Variants in MTARC2 observed in about 807,000 individuals in gnomAD.
MTARC2 encodes MOCO sulphurase C-terminal domain containing 2.
Under a neutral mutation model 35.6 loss-of-function variants are expected in MTARC2, and 27 were observed. The observed-to-expected ratio is 0.76, with a 90% CI of 0.56 to 1.04. The LOEUF (loss-of-function observed/expected upper bound fraction) is 1.04. Among genes scored for constraint, MTARC2 ranks in the 50% least tolerant of loss-of-function variants. MTARC2 has a pLI of 0.00. For missense variants in MTARC2, 412 were observed against 432.5 expected (o/e 0.95, Z 0.42); for synonymous variants, 158 against 167.1 (o/e 0.95, Z 0.42).
chr1:220,763,110 A>G lies in MTARC2; in HGVS notation c.750+60A>G. The G allele has an allele frequency of 1.2e-6, 2 of 1,612,646 alleles. 1 individual carries two copies. The highest frequency in any genetic ancestry group is 2.2e-5 in the South Asian group (2 of 90,930). On this transcript the variant is annotated intron_variant, in intron 4 of 7. Transcript: ENST00000366913. Reference sequence around the variant, plus strand: ...GATGTGCTGCTCGCGGTGCTAAGGGAACTCTGCTCTAGCCAGAGCCAACTC... The same window carrying G: ...GATGTGCTGCTCGCGGTGCTAAGGGGACTCTGCTCTAGCCAGAGCCAACTC...
chr1:220,770,999 CTAAAAA>C (rs1671729049), intron 4 of MTARC2, among the ~76,000 whole-genome samples: 1 of 152,150 alleles, frequency 6.6e-6, no homozygotes, highest in East Asian at 1.9e-4. Context: ...AAGCCAGCTT[CTAAAAA>C]AGCCTTAGGC....
chr1:220,778,725 A>T (rs1332764697), intron 4 of MTARC2, among the ~76,000 whole-genome samples: 1 of 152,198 alleles, frequency 6.6e-6, no homozygotes, highest in African/African-American at 2.4e-5. Context: ...AGAACACTTG[A>T]AAAACAGAGG....
intron 4 of MTARC2, among the ~76,000 whole-genome samples, chr1:220,766,078 C>T (rs540213687): frequency 7.0e-4 from 107 of 152,056 alleles, no homozygotes; most frequent in Non-Finnish European, 1.0e-3. Flanking sequence ...GCTGGGAGGG[C>T]AATGGAGAGT....
chr1:220,758,575 A>C (rs1204469810), intron 2 of MTARC2, among the ~76,000 whole-genome samples: 1 of 151,930 alleles, frequency 6.6e-6, no homozygotes, highest in Non-Finnish European at 1.5e-5. Context: ...ATGCACCACC[A>C]CACCCGGCTA....
At chr1:220,752,251 G>A (rs1275008589) in intron 1 of MTARC2, among the ~76,000 whole-genome samples, 3 of 152,214 alleles carry the variant, frequency 2.0e-5, no homozygotes, top group African/African-American at 7.2e-5. Flanking sequence ...CAGAAATAAT[G>A]TGCAAACAGG....
At chr1:220,772,297 T>G (rs565214963) in intron 4 of MTARC2, among the ~76,000 whole-genome samples, 53 of 152,354 alleles carry the variant, frequency 3.5e-4, no homozygotes, top group Middle Eastern at 3.4e-3. Flanking sequence ...ATTGCCAAAT[T>G]GCTTTCCAGA....
chr1:220,761,619 ATAAG>A (rs1671437567), intron 2 of MTARC2, 35 bp from the exon 3 acceptor site: 2 of 1,579,774 alleles, frequency 1.3e-6, no homozygotes, highest in African/African-American at 1.4e-5. Context: ...GTGTATTGAT[ATAAG>A]TAAGTAACCT....
intron 4 of MTARC2, among the ~76,000 whole-genome samples, chr1:220,774,948 T>A (rs1415340168): frequency 6.8e-6 from 1 of 147,818 alleles, no homozygotes; most frequent in African/African-American, 2.6e-5. Flanking sequence ...TAGACCCGTG[T>A]GTGTGCGTGT....
chr1:220,777,027 C>A (rs1671937305), intron 4 of MTARC2, among the ~76,000 whole-genome samples: 1 of 152,210 alleles, frequency 6.6e-6, no homozygotes, highest in Admixed American at 6.5e-5. Flanking sequence ...GTTAGCCACC[C>A]GCTGTGGTTG....
At chr1:220,766,925 G>A (rs113136976) in intron 4 of MTARC2, among the ~76,000 whole-genome samples, 214 of 147,126 alleles carry the variant, frequency 1.5e-3, no homozygotes, top group African/African-American at 4.8e-3. Flanking sequence ...CAGGTTGTGT[G>A]AGTCCAGGAG....
chr1:220,775,044 C>G (rs572271629), intron 4 of MTARC2, among the ~76,000 whole-genome samples: 3,593 of 152,150 alleles, frequency 0.024, 108 homozygotes, highest in African/African-American at 0.064. Context: ...TAGTAGTCAA[C>G]TTTTAAGTTT....
At position 220,748,353 on chromosome 1, in the gene MTARC2, G is replaced by A. The variant is rs1204014754; in HGVS notation, c.-179G>A. ...CGCGCAGGCTTGGTCACCGCATTAAGGCATTCCCGCTCTCCGCGGAACTGC... is the reference window on the plus strand; with the variant it reads ...CGCGCAGGCTTGGTCACCGCATTAAAGCATTCCCGCTCTCCGCGGAACTGC... On this transcript the variant is annotated 5_prime_UTR_variant, in exon 1 of 8. Transcript: ENST00000366913. 2 of 588,298 alleles carry A rather than the reference G, an allele frequency of 3.4e-6. No individual in the cohort carries two copies. Among genetic ancestry groups the A allele is most frequent in the South Asian group, 5.4e-5 (1 of 18,410 alleles). The allele number at this position is 588,298 out of a possible 1,614,324, so 36.4% of individuals were successfully genotyped here.
chr1:220,769,690 T>A (rs1671681838), intron 4 of MTARC2, among the ~76,000 whole-genome samples: 1 of 152,000 alleles, frequency 6.6e-6, no homozygotes, highest in African/African-American at 2.4e-5. Flanking sequence ...ACCAAGGGAC[T>A]TTAAAGGCTC....
intron 4 of MTARC2, among the ~76,000 whole-genome samples, chr1:220,766,287 G>T (rs1021880542): frequency 2.6e-5 from 4 of 152,122 alleles, no homozygotes; most frequent in Non-Finnish European, 5.9e-5. Context: ...GCCTTGAAAG[G>T]TTCTGTGCAA....
At chr1:220,757,819 C>T (rs1671321620) in intron 2 of MTARC2, among the ~76,000 whole-genome samples, 1 of 152,284 alleles carries the variant, frequency 6.6e-6, no homozygotes, top group Admixed American at 6.5e-5. Context: ...TAGCCCCTAA[C>T]AGATGGTAAG....
At chr1:220,766,557 A>G (rs1313805573) in intron 4 of MTARC2, among the ~76,000 whole-genome samples, 1 of 152,216 alleles carries the variant, frequency 6.6e-6, no homozygotes, top group Non-Finnish European at 1.5e-5. Context: ...ATTTTCTGAG[A>G]AACTTTCTTT....
At chr1:220,762,779 C>T (rs1671473569) in intron 3 of MTARC2, 131 bp from the exon 4 acceptor site, 2 of 970,662 alleles carry the variant, frequency 2.1e-6, no homozygotes, top group Non-Finnish European at 1.6e-6. Flanking sequence ...ACTCACATCT[C>T]TCTCCTTCCT....
intron 4 of MTARC2, among the ~76,000 whole-genome samples, chr1:220,770,204 C>T (rs1558071803): frequency 6.6e-6 from 1 of 152,180 alleles, no homozygotes; most frequent in Non-Finnish European, 1.5e-5. Context: ...TTAATCTTAA[C>T]AGTCACTTAA....
intron 1 of MTARC2, 77 bp downstream of exon 1, chr1:220,748,880 T>A (rs1671058145): frequency 6.9e-7 from 1 of 1,445,690 alleles, no homozygotes; most frequent in Admixed American, 2.7e-5. Context: ...GGGCCCGATC[T>A]ATCTGGGAAG....
Sources: allele counts gnomAD v4.1 joint callset (sites outside exome capture counted in the v4.1 genomes callset), GRCh38; gene constraint gnomAD v4.1.1; transcripts MANE v1.5; gene names NCBI Gene and HGNC (gene_info 2026-07-23, HGNC 2026-07-21).